SBF2: variants seen among roughly 807,000 people sequenced by gnomAD.
The protein encoded by SBF2 is SET binding factor 2.
A neutral mutation model predicts 225.2 loss-of-function variants in SBF2; 112 were observed. The observed-to-expected ratio is 0.50, with a 90% confidence interval of 0.43 to 0.58. The LOEUF is 0.58. SBF2 is among the 20% of genes least tolerant of loss of function. The pLI is 0.00. For missense variants in SBF2, 1,996 were observed against 2,206.2 expected, an observed-to-expected ratio of 0.90 and a Z score of 1.91; for synonymous variants, 763 against 773.3, an observed-to-expected ratio of 0.99 and a Z score of 0.22.
chr11:10,254,776 T>C (rs957863235), intron 1 of SBF2, among the ~76,000 whole-genome samples: 5 of 151,020 alleles, frequency 3.3e-5, no homozygotes, highest in Non-Finnish European at 5.9e-5. Context: ...TGGTGGTGCA[T>C]GCCTGTAGTC....
chr11:10,013,202 T>C (rs546806537), intron 6 of SBF2, among the ~76,000 whole-genome samples: 58 of 152,340 alleles, frequency 3.8e-4, no homozygotes, highest in African/African-American at 1.4e-3. Flanking sequence ...ATGACTGTAA[T>C]TCAGACAGGC....
intron 1 of SBF2, among the ~76,000 whole-genome samples, chr11:10,196,418 T>C (rs946526740): frequency 5.3e-5 from 8 of 152,168 alleles, no homozygotes; most frequent in African/African-American, 1.7e-4. Context: ...CTCACTCTGT[T>C]GCCCAGACTG....
chr11:10,134,608 C>T (rs907626849), intron 2 of SBF2, among the ~76,000 whole-genome samples: 4 of 152,046 alleles, frequency 2.6e-5, no homozygotes, highest in Non-Finnish European at 5.9e-5. Flanking sequence ...AGAAATTGAC[C>T]AAAACAAAGG....
intron 16 of SBF2, among the ~76,000 whole-genome samples, chr11:9,902,422 CCT>C (rs1861792181): frequency 6.6e-6 from 1 of 152,174 alleles, no homozygotes; most frequent in Non-Finnish European, 1.5e-5. Context: ...AGATATCCCA[CCT>C]CTTTAGGACG....
chr11:9,936,298 A>C (rs920391134), intron 16 of SBF2, among the ~76,000 whole-genome samples: 1 of 152,222 alleles, frequency 6.6e-6, no homozygotes, highest in African/African-American at 2.4e-5. Context: ...AAAAGTCAGG[A>C]AACAACAGAT....
chr11:10,184,181 T>C (rs1346719612), intron 2 of SBF2, among the ~76,000 whole-genome samples: 3 of 152,186 alleles, frequency 2.0e-5, no homozygotes, highest in Admixed American at 6.5e-5. Flanking sequence ...TTCAATAAAG[T>C]GGAACATTTC....
chr11:9,857,435 C>G (rs10840313), intron 18 of SBF2, among the ~76,000 whole-genome samples: 54,938 of 152,102 alleles, frequency 0.36, 10,360 homozygotes, highest in African/African-American at 0.48. Context: ...CAAAAGCACC[C>G]CCGAAGCCCA....
chr11:10,217,963 G>A (rs1208835909), intron 1 of SBF2, among the ~76,000 whole-genome samples: 7 of 151,862 alleles, frequency 4.6e-5, no homozygotes, highest in Non-Finnish European at 5.9e-5. Context: ...GCAGTGGCGC[G>A]ATCTCAGCTC....
chr11:9,925,134 A>G (rs775726084), intron 16 of SBF2, among the ~76,000 whole-genome samples: 9 of 151,968 alleles, frequency 5.9e-5, no homozygotes, highest in Admixed American at 4.6e-4. Flanking sequence ...CAGGATCTGT[A>G]TGATGTGAGC....
In SBF2 at chr11:10,278,929, G is replaced by A. The variant is rs74236270; in HGVS notation, c.55+15086C>T. Among the ~76,000 whole-genome samples, 296 of 151,536 alleles carry A rather than the reference G, an allele frequency of 2.0e-3. 8 individuals are homozygous for A. In the South Asian group the frequency reaches 0.026, roughly 14 times the overall value. The stretch of plus-strand genomic sequence containing the variant: ...TAATATACAAATTAACCTACAATTA[G>A]GAAATAAAACTATTCAAAAAGTTAT... On this transcript the variant is annotated intron_variant, in intron 1 of 39. Transcript: ENST00000256190.
intron 32 of SBF2, among the ~76,000 whole-genome samples, chr11:9,796,254 C>T (rs1265565808): frequency 6.6e-6 from 1 of 151,960 alleles, no homozygotes. Context: ...AGCATAGGAT[C>T]AGCAAGATTA....
At chr11:9,793,315 CT>C in intron 33 of SBF2, among the ~76,000 whole-genome samples, 1 of 152,172 alleles carries the variant, frequency 6.6e-6, no homozygotes, top group Admixed American at 6.5e-5. Flanking sequence ...GATCCTTGAT[CT>C]ACGGCTCTAC....
chr11:9,906,022 T>C (rs1288739828), intron 16 of SBF2, among the ~76,000 whole-genome samples: 3 of 152,200 alleles, frequency 2.0e-5, no homozygotes, highest in Non-Finnish European at 2.9e-5. Flanking sequence ...ATCCTCTCTA[T>C]GGATTATATA....
chr11:10,234,771 A>C (rs192044073), intron 1 of SBF2, among the ~76,000 whole-genome samples: 1 of 152,214 alleles, frequency 6.6e-6, no homozygotes, highest in Admixed American at 6.5e-5. Flanking sequence ...CTCCATCTCT[A>C]TGATGAAAAG....
At chr11:10,299,563 T>C (rs1197284930) in intron 1 of SBF2, among the ~76,000 whole-genome samples, 1 of 152,200 alleles carries the variant, frequency 6.6e-6, no homozygotes, top group African/African-American at 2.4e-5. Flanking sequence ...AATGTAGGAC[T>C]GCCTGTTCAG....
rs142585796 is a variant in SBF2, at chr11:9,840,807, G to A, written c.3257-1111C>T. Among the ~76,000 whole-genome samples the A allele has an allele frequency of 7.4e-4, 113 of 152,222 alleles. No homozygotes were observed. In the East Asian group the frequency reaches 0.019, roughly 26 times the overall value. On this transcript the variant is annotated intron_variant, in intron 25 of 39. Coordinates refer to ENST00000256190, the MANE Select transcript of SBF2 (RefSeq NM_030962.4). ...GGAAATATTTTTGTTAGAGGATGTG[G>A]TGTACGTGGGAAATCCCCTCACAGT...
intron 1 of SBF2, among the ~76,000 whole-genome samples, chr11:10,213,326 A>G (rs1292468710): frequency 6.6e-6 from 1 of 152,122 alleles, no homozygotes; most frequent in African/African-American, 2.4e-5. Flanking sequence ...TGGCATCTCA[A>G]CTTTACTCAA....
intron 1 of SBF2, among the ~76,000 whole-genome samples, chr11:10,270,629 C>T (rs1049179170): frequency 6.6e-6 from 1 of 152,090 alleles, no homozygotes; most frequent in African/African-American, 2.4e-5. Flanking sequence ...TGGAAAGCTT[C>T]CAATAACATG....
intron 16 of SBF2, among the ~76,000 whole-genome samples, chr11:9,938,676 A>C (rs1453170741): frequency 6.6e-6 from 1 of 152,192 alleles, no homozygotes; most frequent in Non-Finnish European, 1.5e-5. Context: ...AAATTTTGCC[A>C]GAATAACTGG....
Sources: allele counts gnomAD v4.1 joint callset (sites outside exome capture counted in the v4.1 genomes callset), GRCh38; gene constraint gnomAD v4.1.1; transcripts MANE v1.5; gene names NCBI Gene and HGNC (gene_info 2026-07-23, HGNC 2026-07-21).